The following CA8 variants were observed in gnomAD, a reference collection of about 807,000 sequenced individuals.
The protein encoded by CA8 is carbonic anhydrase 8 (inactive).
A neutral mutation model predicts 41.4 loss-of-function variants in CA8; 22 were observed. The observed-to-expected ratio is 0.53, with a 90% confidence interval of 0.38 to 0.76. The LOEUF is 0.76. Ranked by LOEUF, CA8 falls within the 30% of genes least tolerant of loss-of-function variation. The pLI is 0.00. For missense variants in CA8, 270 were observed against 352.8 expected (o/e 0.77, Z 1.88); for synonymous variants, 121 against 130.6 (o/e 0.93, Z 0.50).
chr8:60,222,406 T>A (rs1158311713), intron 7 of CA8, among the ~76,000 whole-genome samples: 1 of 152,212 alleles, frequency 6.6e-6, no homozygotes, highest in Non-Finnish European at 1.5e-5. Flanking sequence ...AAAGTTTTGC[T>A]CTTTCAGTGA....
chr8:60,224,387 G>T (rs546305299), intron 6 of CA8, 150 bp downstream of exon 6: 9 of 600,278 alleles, frequency 1.5e-5, no homozygotes, highest in Non-Finnish European at 2.7e-5. Context: ...TCCATATTTA[G>T]AGTAATCTGG....
In CA8 at chr8:60,281,079, T is replaced by C. The variant is rs758301801; in HGVS notation, c.69A>G (p.Glu23=). The change falls in exon 1 of 9, where the codon GAA becomes GAG. Residue 23 remains glutamate (E), a synonymous_variant. Transcript: ENST00000317995. ...CGTAGCCCCACTCCACACCCTCCTC[T>C]TCTTCCTCCTCATCCTCTTCCTTCT... ...FPEKEEDEEE[E]EEGVEWGYEE... is the part of the protein sequence containing the mutation. 5.0e-6 allele frequency: 8 copies of C among 1,610,820 alleles called. No individual in the cohort carries two copies. The highest frequency in any genetic ancestry group is 5.9e-6 in the Non-Finnish European group (7 of 1,179,244).
At chr8:60,198,140 T>C (rs1806330356) in intron 8 of CA8, among the ~76,000 whole-genome samples, 1 of 152,178 alleles carries the variant, frequency 6.6e-6, no homozygotes, top group Admixed American at 6.5e-5. Context: ...AGCTCAGCAT[T>C]GGGAGTGGGG....
chr8:60,253,030 G>C (rs1357115801), intron 3 of CA8, among the ~76,000 whole-genome samples: 2 of 151,666 alleles, frequency 1.3e-5, no homozygotes, highest in African/African-American at 4.8e-5. Flanking sequence ...AGGAGTTCAA[G>C]ACCAGCCTGG....
Position 60,214,481 on chromosome 8 carries a change from T to C in CA8, c.739-5562A>G, listed in dbSNP as rs1806948645. On this transcript the variant is annotated intron_variant, in intron 7 of 8. Coordinates refer to ENST00000317995, the MANE Select transcript of CA8 (RefSeq NM_004056.6). Reference sequence around the variant, plus strand: ...AATCTCCAACAAATGTTCCCAGTCATTGAAAATCTATAACAAATGTTCCCA... The same window carrying C: ...AATCTCCAACAAATGTTCCCAGTCACTGAAAATCTATAACAAATGTTCCCA... 2.6e-5 allele frequency among the ~76,000 whole-genome samples: 4 copies of C among 152,308 alleles called. No individual in the cohort carries two copies. In the South Asian group the frequency reaches 8.3e-4, roughly 32 times the overall value.
At chr8:60,244,278 G>A (rs752030914) in intron 3 of CA8, among the ~76,000 whole-genome samples, 7 of 152,102 alleles carry the variant, frequency 4.6e-5, no homozygotes, top group African/African-American at 9.7e-5. Context: ...ACTTATGCCC[G>A]TCTCTTAACT....
At position 60,197,083 on chromosome 8, in the gene CA8, C is replaced by T. The variant is rs371506999; in HGVS notation, c.*36-7098G>A. Among the ~76,000 whole-genome samples the T allele has an allele frequency of 5.3e-5, 8 of 152,172 alleles. No individual in the cohort carries two copies. The East Asian group carries it at 1.2e-3, about 22-fold the overall frequency. ...AGTTACTGGGAACATAAACATAGAACTCTTGGGAAAAGCAATCTGCATATG... is the reference window on the plus strand; with the variant it reads ...AGTTACTGGGAACATAAACATAGAATTCTTGGGAAAAGCAATCTGCATATG... On this transcript the variant is annotated intron_variant, in intron 8 of 8. Transcript: ENST00000317995.
chr8:60,269,691 T>C (rs529044211), intron 2 of CA8, among the ~76,000 whole-genome samples: 5 of 152,326 alleles, frequency 3.3e-5, no homozygotes, highest in East Asian at 1.9e-4. Flanking sequence ...TCCTTTTCAT[T>C]TGACTTCAAA....
intron 3 of CA8, among the ~76,000 whole-genome samples, chr8:60,247,305 G>C (rs1021734651): frequency 6.6e-6 from 1 of 152,054 alleles, no homozygotes; most frequent in Non-Finnish European, 1.5e-5. Context: ...TTGTTACATA[G>C]GTATACATAT....
At chr8:60,193,279 A>G (rs1386992012) in intron 8 of CA8, among the ~76,000 whole-genome samples, 1 of 152,140 alleles carries the variant, frequency 6.6e-6, no homozygotes, top group Non-Finnish European at 1.5e-5. Context: ...CATTGTATCA[A>G]CTTCACCATT....
intron 3 of CA8, among the ~76,000 whole-genome samples, chr8:60,245,995 T>C (rs932527405): frequency 1.3e-5 from 2 of 152,152 alleles, no homozygotes; most frequent in African/African-American, 2.4e-5. Context: ...CTTTTAAATG[T>C]TGAGAGCAGA....
intron 3 of CA8, among the ~76,000 whole-genome samples, chr8:60,244,505 C>T (rs1459466076): frequency 2.0e-5 from 3 of 152,130 alleles, no homozygotes; most frequent in Non-Finnish European, 2.9e-5. Flanking sequence ...TTGGTGATAA[C>T]AATTAGAGTA....
At chr8:60,200,094 G>GC (rs1806380065) in intron 8 of CA8, among the ~76,000 whole-genome samples, 3 of 152,072 alleles carry the variant, frequency 2.0e-5, no homozygotes, top group Non-Finnish European at 2.9e-5. Flanking sequence ...TGGGATTACT[G>GC]CCCTTATAAA....
rs57878452 is a variant in CA8 at position 60,190,432 on chromosome 8, A to AATAT, written c.*36-451_*36-448dup. On this transcript the variant is annotated intron_variant, in intron 8 of 8. Transcript: ENST00000317995. Reference sequence around the variant, plus strand: ...TCTATTAAATAAATAATAAATGCAGAATATATATATATATATATATATATA... The same window carrying AATAT: ...TCTATTAAATAAATAATAAATGCAGAATATATATATATATATATATATATATATA... Among the ~76,000 whole-genome samples the AATAT allele has an allele frequency of 2.9e-3, 292 of 99,288 alleles. 3 individuals carry two copies. The highest frequency in any genetic ancestry group is 3.6e-3 in the Non-Finnish European group (179 of 49,714). 65.1% of individuals were successfully genotyped at this position (99,288 alleles called of 152,430 possible).
rs550243197 is a variant in CA8 at position 60,277,426 on chromosome 8, T to A, written c.292+2263A>T. Among the ~76,000 whole-genome samples the A allele has an allele frequency of 6.6e-5, 10 of 152,122 alleles. No homozygotes were observed. In the East Asian group the frequency reaches 1.9e-3, roughly 30 times the overall value. ...TGGAGAGCAATGGCGCAATCTCGGCTCACTGCAACCTCCGCCTCCCAGGTT... is the reference window on the plus strand; with the variant it reads ...TGGAGAGCAATGGCGCAATCTCGGCACACTGCAACCTCCGCCTCCCAGGTT... On this transcript the variant is annotated intron_variant, in intron 2 of 8. Coordinates refer to ENST00000317995, the MANE Select transcript of CA8 (RefSeq NM_004056.6).
intron 7 of CA8, among the ~76,000 whole-genome samples, chr8:60,212,909 A>T (rs548652133): frequency 2.0e-5 from 3 of 152,210 alleles, no homozygotes; most frequent in Non-Finnish European, 4.4e-5. Context: ...TAGTGCTCTC[A>T]CTTTCTTTTA....
At chr8:60,256,053 A>T (rs2130564418) in intron 3 of CA8, among the ~76,000 whole-genome samples, 1 of 151,110 alleles carries the variant, frequency 6.6e-6, no homozygotes, top group African/African-American at 2.4e-5. Context: ...GGATTAAGGC[A>T]CGTGCCTATA....
rs1403994753 is a variant in CA8, at chr8:60,189,190, G to A, written c.*831C>T. On this transcript the variant is annotated 3_prime_UTR_variant, in exon 9 of 9. Coordinates refer to ENST00000317995, the MANE Select transcript of CA8 (RefSeq NM_004056.6). The stretch of plus-strand genomic sequence containing the variant: ...GAATAAAATATTTAAGTCTTACAAA[G>A]CGTACGACACTAAAGTAATATAGGA... The A allele has an allele frequency of 6.6e-6, 1 of 152,084 alleles. No homozygotes were observed. Among genetic ancestry groups the A allele is most frequent in the East Asian group, 1.9e-4 (1 of 5,188 alleles). 9.4% of individuals were successfully genotyped at this position (152,084 alleles called of 1,614,324 possible). A position where few individuals can be genotyped will look rare whatever the true frequency, so the allele number is the denominator to read the frequency against.
At chr8:60,222,923 G>A (rs575228160) in intron 6 of CA8, among the ~76,000 whole-genome samples, 162 bp from the exon 7 acceptor site, 1 of 152,264 alleles carries the variant, frequency 6.6e-6, no homozygotes, top group East Asian at 1.9e-4. Flanking sequence ...ACTCATTGTG[G>A]AGAAAATAAT....
Sources: gnomAD v4.1 joint callset for allele counts (sites outside exome capture counted in the v4.1 genomes callset) on GRCh38, gnomAD v4.1.1 for gene constraint, MANE v1.5 for transcripts, NCBI Gene and HGNC (gene_info 2026-07-23, HGNC 2026-07-21) for gene names.